The following PDE1C variants were observed in gnomAD, a reference collection of about 807,000 sequenced individuals.
PDE1C encodes the protein phosphodiesterase 1C, also known as dual specificity calcium/calmodulin-dependent 3',5'-cyclic nucleotide phosphodiesterase 1C.
PDE1C carries 62 observed loss-of-function variants against 93.1 expected under a neutral mutation model. The ratio of observed to expected loss-of-function variants is 0.67; its 90% CI spans 0.54 to 0.82. The LOEUF is 0.82. Among genes scored for constraint, PDE1C ranks in the 40% least tolerant of loss-of-function variants. PDE1C has a pLI of 0.00. For missense variants in PDE1C, 742 were observed against 884.6 expected, an observed-to-expected ratio of 0.84 and a Z score of 2.04; for synonymous variants, 325 against 310.1, an observed-to-expected ratio of 1.05 and a Z score of -0.50.
chr7:32,104,748 G>A (rs1798213396), intron 3 of PDE1C, among the ~76,000 whole-genome samples: 1 of 152,210 alleles, frequency 6.6e-6, no homozygotes, highest in East Asian at 1.9e-4. Flanking sequence ...AGCAATAACG[G>A]TGCTACACGC....
intron 2 of PDE1C, among the ~76,000 whole-genome samples, chr7:31,964,025 T>A (rs1450562590): frequency 2.0e-5 from 3 of 152,114 alleles, no homozygotes. Flanking sequence ...CAGCTCCCAG[T>A]GTGAGCGATA....
the PDE1C span, among the ~76,000 whole-genome samples, chr7:31,696,356 T>C: frequency 8.5e-5 from 13 of 152,274 alleles, no homozygotes; most frequent in Admixed American, 8.5e-4. Context: ...CAGCACATAA[T>C]AGCTGAAATA....
intron 1 of PDE1C, among the ~76,000 whole-genome samples, chr7:32,231,789 G>A (rs553376928): frequency 4.6e-5 from 7 of 152,204 alleles, no homozygotes; most frequent in Admixed American, 6.5e-5. Context: ...CACAAATTAC[G>A]CTTGTCACAG....
In PDE1C at chr7:31,816,084, T is replaced by C. The variant is rs1583451702; in HGVS notation, c.1653A>G (p.Glu551=). Residue 551 remains glutamate (E), a synonymous_variant, in exon 15 of 18, where the codon GAA becomes GAG. Transcript: ENST00000396191. ...CGCCTTCTTCAGCCTGGCTTTTGGC[T>C]TCCATTTCCTTTTGCTGCTCCTCTG... ...LAAEEQQKEM[E]AKSQAEEGAS... 2 of 1,614,014 alleles carry C rather than the reference T, an allele frequency of 1.2e-6. No homozygotes were observed. Among genetic ancestry groups the C allele is most frequent in the Non-Finnish European group, 1.7e-6 (2 of 1,179,924 alleles).
intron 6 of PDE1C, among the ~76,000 whole-genome samples, chr7:31,865,396 C>G (rs866612329): frequency 1.3e-5 from 2 of 152,140 alleles, no homozygotes; most frequent in African/African-American, 4.8e-5. Context: ...TTAATACACA[C>G]ATAGAAAACT....
intron 2 of PDE1C, among the ~76,000 whole-genome samples, chr7:32,004,515 G>A (rs1258607272): frequency 6.6e-6 from 1 of 152,188 alleles, no homozygotes; most frequent in East Asian, 1.9e-4. Context: ...GTCCAAGTGA[G>A]TCCTGGGGGT....
intron 2 of PDE1C, among the ~76,000 whole-genome samples, chr7:31,971,451 T>C (rs752758119): frequency 2.0e-5 from 3 of 152,162 alleles, no homozygotes; most frequent in Non-Finnish European, 4.4e-5. Context: ...ATCAATCAAA[T>C]GATGGGAGTC....
At chr7:31,915,521 T>C (rs188145196) in intron 2 of PDE1C, among the ~76,000 whole-genome samples, 5 of 152,376 alleles carry the variant, frequency 3.3e-5, no homozygotes, top group Non-Finnish European at 5.9e-5. Context: ...AGCATTTTTC[T>C]GTATTAATGA....
chr7:32,128,954 A>ATATATATAT (rs58719690), intron 3 of PDE1C, among the ~76,000 whole-genome samples: 29 of 79,008 alleles, frequency 3.7e-4, no homozygotes, highest in African/African-American at 1.7e-3. Context: ...TATATATATA[A>ATATATATAT]AGAAAAATCT....
chr7:31,871,037 C>G (rs1013070974), intron 6 of PDE1C, among the ~76,000 whole-genome samples: 4 of 151,502 alleles, frequency 2.6e-5, no homozygotes, highest in Non-Finnish European at 5.9e-5. Context: ...AACAGACACA[C>G]AGTCCAATGG....
chr7:31,711,527 G>T, the PDE1C span, among the ~76,000 whole-genome samples: 1 of 152,116 alleles, frequency 6.6e-6, no homozygotes, highest in Non-Finnish European at 1.5e-5. Flanking sequence ...AAAAACACAG[G>T]AGGTTAAAGA....
intron 2 of PDE1C, among the ~76,000 whole-genome samples, chr7:32,040,569 G>A (rs1031302429): frequency 1.3e-5 from 2 of 152,188 alleles, no homozygotes; most frequent in African/African-American, 4.8e-5. Flanking sequence ...AAGGTCATAT[G>A]CTTAGAATAT....
chr7:31,900,340 A>G (rs1240523333), intron 2 of PDE1C, among the ~76,000 whole-genome samples: 1 of 151,848 alleles, frequency 6.6e-6, no homozygotes, highest in Non-Finnish European at 1.5e-5. Flanking sequence ...GAAATACGCC[A>G]TTCTAAAAGT....
intron 2 of PDE1C, among the ~76,000 whole-genome samples, chr7:32,033,671 G>A (rs1007237903): frequency 6.6e-6 from 1 of 151,864 alleles, no homozygotes; most frequent in Non-Finnish European, 1.5e-5. Context: ...CTCTCTGTTG[G>A]CTACCTCCTT....
chr7:32,014,937 G>C (rs569135131), intron 2 of PDE1C, among the ~76,000 whole-genome samples: 1 of 152,008 alleles, frequency 6.6e-6, no homozygotes, highest in Admixed American at 6.6e-5. Flanking sequence ...TAATCTTCAC[G>C]TGTCAAGGGA....
chr7:32,424,835 A>G (rs187658274), intron 1 of PDE1C, among the ~76,000 whole-genome samples: 1 of 152,250 alleles, frequency 6.6e-6, no homozygotes, highest in Admixed American at 6.5e-5. Flanking sequence ...CTCAAAACTA[A>G]AATAAAAATA....
the PDE1C span, among the ~76,000 whole-genome samples, chr7:31,656,915 T>C: frequency 6.6e-6 from 1 of 151,562 alleles, no homozygotes; most frequent in Non-Finnish European, 1.5e-5. Context: ...CTTTGCTGTC[T>C]TCAGTGCATG....
intron 17 of PDE1C, among the ~76,000 whole-genome samples, chr7:31,757,718 C>G (rs932330320): frequency 6.6e-6 from 1 of 152,180 alleles, no homozygotes; most frequent in African/African-American, 2.4e-5. Flanking sequence ...ACTAGTTCAA[C>G]CATTGTGGAA....
Position 31,837,911 on chromosome 7 carries a change from T to C in PDE1C, c.1041A>G (p.Gln347=). The part of the protein sequence containing the change: ...VMATDMSCHF[Q]QIKAMKTALQ... ...GAGCAGTCTTCATTGCTTTGATTTG[T>C]TGGAAGTGACAAGACATATCTGTGG... The change falls in exon 10 of 18, where the codon CAA becomes CAG. Residue 347 remains glutamine (Q), a synonymous_variant. Coordinates refer to ENST00000396191, the MANE Select transcript of PDE1C (RefSeq NM_001191057.4). 6.2e-7 allele frequency: 1 copy of C among 1,613,864 alleles called. No homozygotes were observed. Among genetic ancestry groups the C allele is most frequent in the Non-Finnish European group, 8.5e-7 (1 of 1,179,744 alleles).
Sources: gnomAD v4.1 joint callset for allele counts (sites outside exome capture counted in the v4.1 genomes callset) on GRCh38, gnomAD v4.1.1 for gene constraint, MANE v1.5 for transcripts, NCBI Gene and HGNC (gene_info 2026-07-23, HGNC 2026-07-21) for gene names.